The following DNAH14 variants were observed in gnomAD, a reference collection of about 807,000 sequenced individuals.
DNAH14 encodes the protein dynein axonemal heavy chain 14.
A neutral mutation model predicts 520.9 loss-of-function variants in DNAH14; 478 were observed. The ratio of observed to expected loss-of-function variants is 0.92; its 90% confidence interval spans 0.85 to 0.99. DNAH14 has a LOEUF of 0.99. DNAH14 is among the 50% of genes least tolerant of loss of function. The pLI is 0.00. For synonymous variants in DNAH14, 1,581 were observed against 1,757.2 expected (o/e 0.90, Z 2.51); for missense variants, 4,831 against 5,234.5 (o/e 0.92, Z 2.38).
At chr1:224,987,118 AAGAGACAG>A (rs978503985) in intron 8 of DNAH14, among the ~76,000 whole-genome samples, 44 of 150,200 alleles carry the variant, frequency 2.9e-4, no homozygotes, top group Admixed American at 2.5e-3. Context: ...GAGAGAGAGA[AAGAGACAG>A]AGACAGAGAC....
chr1:225,098,319 C>A (rs77726744), intron 22 of DNAH14, among the ~76,000 whole-genome samples: 8,932 of 152,200 alleles, frequency 0.059, 352 homozygotes, highest in Non-Finnish European at 0.078. Context: ...AATTCATTGA[C>A]CTCTAACTTT....
At position 225,147,085 on chromosome 1, in the gene DNAH14, CTCT is replaced by C; in HGVS notation, c.4795-17_4795-15del. 6.9e-7 allele frequency: 1 copy of C among 1,458,898 alleles called. No individual in the cohort carries two copies. Among genetic ancestry groups the C allele is most frequent in the Non-Finnish European group, 9.2e-7 (1 of 1,089,882 alleles). The allele number at this position is 1,458,898 out of a possible 1,614,324, so 90.4% of individuals were successfully genotyped here. ...CATTATAATAATTTTAGTAATCAAT[CTCT>C]TTTTTTTTTTAAAAGATAGTGAGAA... On this transcript the variant is annotated splice_polypyrimidine_tract_variant and intron_variant, in intron 30 of 85. Transcript: ENST00000682510.
At chr1:224,937,776 A>G (rs189692879) in intron 1 of DNAH14, among the ~76,000 whole-genome samples, 5 of 152,278 alleles carry the variant, frequency 3.3e-5, no homozygotes, top group Admixed American at 3.3e-4. Context: ...AGCTAGAGAC[A>G]TCACACTACC....
chr1:225,082,486 A>AT (rs983564654), intron 19 of DNAH14, 63 bp from the exon 20 acceptor site: 19 of 1,267,052 alleles, frequency 1.5e-5, no homozygotes, highest in South Asian at 2.2e-5. Context: ...TATTTTCTCA[A>AT]TTTTTTTGGT....
chr1:225,334,271 T>A (rs907464258), intron 66 of DNAH14, among the ~76,000 whole-genome samples: 4 of 152,028 alleles, frequency 2.6e-5, no homozygotes, highest in Non-Finnish European at 4.4e-5. Flanking sequence ...AGGCTCTGTC[T>A]CTACAAAAAA....
intron 75 of DNAH14, among the ~76,000 whole-genome samples, chr1:225,363,732 C>T (rs2095520713): frequency 6.6e-6 from 1 of 152,180 alleles, no homozygotes; most frequent in Non-Finnish European, 1.5e-5. Context: ...AATCTACACA[C>T]ATCCTGCTGT....
intron 8 of DNAH14, among the ~76,000 whole-genome samples, chr1:224,984,446 A>G (rs535317755): frequency 3.3e-5 from 5 of 152,364 alleles, no homozygotes; most frequent in Non-Finnish European, 4.4e-5. Flanking sequence ...ATTCCAGAAG[A>G]TAACATTGGA....
intron 36 of DNAH14, among the ~76,000 whole-genome samples, chr1:225,184,078 T>C (rs2084377058): frequency 6.6e-6 from 1 of 152,094 alleles, no homozygotes; most frequent in Admixed American, 6.5e-5. Context: ...TTATATAAAA[T>C]CAGTATTATC....
intron 34 of DNAH14, among the ~76,000 whole-genome samples, 169 bp downstream of exon 34, chr1:225,153,995 G>A (rs962439885): frequency 2.0e-5 from 3 of 151,842 alleles, no homozygotes; most frequent in African/African-American, 4.8e-5. Context: ...AAGAAAAAAT[G>A]CACAAAATCG....
intron 58 of DNAH14, among the ~76,000 whole-genome samples, chr1:225,306,339 A>T (rs959806700): frequency 6.6e-6 from 1 of 152,198 alleles, no homozygotes; most frequent in Admixed American, 6.5e-5. Flanking sequence ...CAGAAAGCTA[A>T]TCTTGTTCTG....
rs564191231 is a variant in DNAH14 at position 225,321,292 on chromosome 1, G to T, written c.9336-1372G>T. On this transcript the variant is annotated intron_variant, in intron 61 of 85. Transcript: ENST00000682510. ...TACCTGAGACTGAAGGATGGGAGGA[G>T]GGAGACAGTCAGAAAAAATAACTAT... is the stretch of plus-strand genomic sequence containing the variant. Among the ~76,000 whole-genome samples, 429 of 152,284 alleles carry T rather than the reference G, an allele frequency of 2.8e-3. 2 individuals are homozygous for T. The highest frequency in any genetic ancestry group is 4.3e-3 in the Non-Finnish European group (290 of 68,022).
intron 27 of DNAH14, among the ~76,000 whole-genome samples, chr1:225,130,684 G>T (rs555332606): frequency 1.1e-5 from 1 of 92,378 alleles, no homozygotes; most frequent in Non-Finnish European, 1.9e-5. Context: ...GTGGGGGGAG[G>T]GGGGAGGGAT....
chr1:225,145,042 A>G, intron 29 of DNAH14, among the ~76,000 whole-genome samples: 1 of 152,146 alleles, frequency 6.6e-6, no homozygotes, highest in East Asian at 1.9e-4. Context: ...ATGAAAGCAA[A>G]GGATATAGTT....
At chr1:224,989,259 A>G (rs112489082) in intron 8 of DNAH14, among the ~76,000 whole-genome samples, 6,341 of 152,274 alleles carry the variant, frequency 0.042, 216 homozygotes, top group Non-Finnish European at 0.061. Flanking sequence ...TGGCCCACTC[A>G]AGTTGACACA....
chr1:225,335,888 C>T (rs1382005356), intron 66 of DNAH14, among the ~76,000 whole-genome samples: 2 of 63,886 alleles, frequency 3.1e-5, no homozygotes, highest in African/African-American at 6.5e-5. Flanking sequence ...CATATATGTA[C>T]ATATACATAC....
chr1:225,042,808 G>A, intron 12 of DNAH14, 27 bp from the exon 13 acceptor site: 2 of 1,529,122 alleles, frequency 1.3e-6, no homozygotes, highest in Non-Finnish European at 1.8e-6. Flanking sequence ...GTTGTCACTG[G>A]CACCCTCACA....
At chr1:225,058,108 C>T (rs938798103) in intron 17 of DNAH14, among the ~76,000 whole-genome samples, 8 of 152,126 alleles carry the variant, frequency 5.3e-5, no homozygotes, top group Non-Finnish European at 1.0e-4. Flanking sequence ...AGGAATGGTA[C>T]CAGCTCCTCC....
At chr1:225,234,923 TATC>T (rs2091460289) in intron 42 of DNAH14, among the ~76,000 whole-genome samples, 1 of 152,212 alleles carries the variant, frequency 6.6e-6, no homozygotes, top group South Asian at 2.1e-4. Flanking sequence ...TGAAGTTACT[TATC>T]AACTTAAGAA....
At chr1:225,175,940 G>C (rs577352823) in intron 36 of DNAH14, among the ~76,000 whole-genome samples, 6 of 152,066 alleles carry the variant, frequency 3.9e-5, no homozygotes, top group Admixed American at 3.3e-4. Flanking sequence ...ATTTTTAGTA[G>C]AGACAGGGCT....
Sources: gnomAD v4.1 joint callset for allele counts (sites outside exome capture counted in the v4.1 genomes callset) on GRCh38, gnomAD v4.1.1 for gene constraint, MANE v1.5 for transcripts, NCBI Gene and HGNC (gene_info 2026-07-23, HGNC 2026-07-21) for gene names.